ARHGAP42: variants seen among roughly 807,000 people sequenced by gnomAD.
The protein encoded by ARHGAP42 is rho GTPase-activating protein 42.
ARHGAP42 carries 63 observed loss-of-function variants against 125.0 expected under a neutral mutation model. The ratio of observed to expected loss-of-function variants is 0.50; its 90% CI spans 0.41 to 0.62. ARHGAP42 has a LOEUF of 0.62. Ranked by LOEUF, ARHGAP42 falls within the 20% of genes least tolerant of loss-of-function variation. ARHGAP42 has a pLI of 0.00. For synonymous variants in ARHGAP42, 339 were observed against 351.0 expected, an observed-to-expected ratio of 0.97 and a Z score of 0.38; for missense variants, 766 against 1,024.2, an observed-to-expected ratio of 0.75 and a Z score of 3.44.
In ARHGAP42 at chr11:100,992,210, A is replaced by G. The variant is rs1474454859; in HGVS notation, c.*3409A>G. 8.1e-6 allele frequency: 11 copies of G among 1,364,274 alleles called. No individual in the cohort carries two copies. Among genetic ancestry groups the G allele is most frequent in the African/African-American group, 2.9e-5 (2 of 68,430 alleles). The allele number at this position is 1,364,274 out of a possible 1,614,324, so 84.5% of individuals were successfully genotyped here. A position where few individuals can be genotyped will look rare whatever the true frequency, so the allele number is the denominator to read the frequency against. ...GCCTTCTTTAGCATTTAGAACCCCA[A>G]CTAGACTTATACTTTGACTAAAGTC... On this transcript the variant is annotated 3_prime_UTR_variant, in exon 24 of 24. Transcript: ENST00000298815.
intron 4 of ARHGAP42, among the ~76,000 whole-genome samples, chr11:100,892,719 C>T (rs77154608): frequency 7.0e-4 from 106 of 152,236 alleles, no homozygotes; most frequent in Admixed American, 1.4e-3. Context: ...CTATTGAGTG[C>T]TGCCTGCCCT....
chr11:100,711,347 T>C (rs1236280756), intron 1 of ARHGAP42, among the ~76,000 whole-genome samples: 1 of 152,156 alleles, frequency 6.6e-6, no homozygotes, highest in South Asian at 2.1e-4. Flanking sequence ...GTTTATATTG[T>C]CCAATGAGAA....
chr11:100,903,706 C>CAA (rs749877720), intron 4 of ARHGAP42, among the ~76,000 whole-genome samples: 564 of 32,314 alleles, frequency 0.017, 18 homozygotes, highest in African/African-American at 0.049. Flanking sequence ...ACATGTCCCT[C>CAA]AAAATATATA....
rs1247058792 is a variant in ARHGAP42, at chr11:100,903,754, A to G, written c.385-9698A>G. Reference sequence around the variant, plus strand: ...TATATATATATATATATATATATATATGTATGTAAAGGAAAGTTTATTAAG... The same window carrying G: ...TATATATATATATATATATATATATGTGTATGTAAAGGAAAGTTTATTAAG... On this transcript the variant is annotated intron_variant, in intron 4 of 23. Coordinates refer to ENST00000298815, the MANE Select transcript of ARHGAP42 (RefSeq NM_152432.4). Among the ~76,000 whole-genome samples the G allele has an allele frequency of 5.6e-5, 7 of 124,620 alleles. 1 individual carries two copies. Among genetic ancestry groups the G allele is most frequent in the African/African-American group, 1.5e-4 (5 of 33,648 alleles). The allele number at this position is 124,620 out of a possible 152,430, so 81.8% of individuals were successfully genotyped here.
chr11:100,770,187 T>C (rs1332826881), intron 1 of ARHGAP42, among the ~76,000 whole-genome samples, 156 bp from the exon 2 acceptor site: 1 of 152,144 alleles, frequency 6.6e-6, no homozygotes, highest in Non-Finnish European at 1.5e-5. Context: ...GTCAAACTGG[T>C]ATTTTAAAGG....
At chr11:100,728,366 C>G (rs1861897369) in intron 1 of ARHGAP42, among the ~76,000 whole-genome samples, 1 of 152,050 alleles carries the variant, frequency 6.6e-6, no homozygotes, top group Admixed American at 6.5e-5. Context: ...CCAGTTCTTT[C>G]CAGTTTAGCC....
intron 22 of ARHGAP42, among the ~76,000 whole-genome samples, chr11:100,985,310 G>A (rs1858646802): frequency 6.6e-6 from 1 of 152,100 alleles, no homozygotes; most frequent in Admixed American, 6.6e-5. Context: ...AAAGAAATAT[G>A]ACTTATTGTT....
chr11:100,909,001 T>C (rs629442), intron 4 of ARHGAP42, among the ~76,000 whole-genome samples: 135,023 of 152,122 alleles, frequency 0.89, 60,002 homozygotes, highest in East Asian at 1. Context: ...AGCATTTTTT[T>C]GTATGTTTGT....
intron 4 of ARHGAP42, among the ~76,000 whole-genome samples, chr11:100,904,037 A>G (rs1420925983): frequency 6.6e-6 from 1 of 151,868 alleles, no homozygotes; most frequent in African/African-American, 2.4e-5. Context: ...TCCCCAGCCC[A>G]CTGACTCAAA....
At chr11:100,738,297 A>AT (rs778667877) in intron 1 of ARHGAP42, 15 of 152,164 alleles carry the variant, frequency 9.9e-5, no homozygotes, top group Non-Finnish European at 2.1e-4. Flanking sequence ...GGAGAAAGTC[A>AT]TTTTTTAAAT....
At chr11:100,730,293 C>T (rs1861934720) in intron 1 of ARHGAP42, among the ~76,000 whole-genome samples, 1 of 151,980 alleles carries the variant, frequency 6.6e-6, no homozygotes, top group Admixed American at 6.6e-5. Flanking sequence ...TATCTTTCTA[C>T]TCTCTGCTAA....
At chr11:100,793,794 C>T (rs543979411) in intron 2 of ARHGAP42, among the ~76,000 whole-genome samples, 65 of 152,036 alleles carry the variant, frequency 4.3e-4, no homozygotes, top group African/African-American at 2.4e-4. Flanking sequence ...CTGTATGGCC[C>T]GGTGCAATGG....
At chr11:100,965,240 G>A (rs1472937496) in intron 16 of ARHGAP42, among the ~76,000 whole-genome samples, 1 of 152,144 alleles carries the variant, frequency 6.6e-6, no homozygotes, top group African/African-American at 2.4e-5. Context: ...TTCAAGATGA[G>A]ATTTGGGTGG....
chr11:100,987,652 A>T, intron 23 of ARHGAP42, 60 bp downstream of exon 23: 2 of 1,444,546 alleles, frequency 1.4e-6, no homozygotes, highest in Non-Finnish European at 1.9e-6. Flanking sequence ...AAGGAATAGT[A>T]TGGTGGTATG....
intron 22 of ARHGAP42, among the ~76,000 whole-genome samples, chr11:100,979,891 A>G (rs1459289163): frequency 6.6e-6 from 1 of 152,206 alleles, no homozygotes; most frequent in African/African-American, 2.4e-5. Flanking sequence ...ATACTGTTGT[A>G]TAGTTGTTGT....
intron 1 of ARHGAP42, among the ~76,000 whole-genome samples, chr11:100,734,820 T>A (rs1862031842): frequency 6.6e-6 from 1 of 152,222 alleles, no homozygotes; most frequent in South Asian, 2.1e-4. Context: ...GTCAGTTTTT[T>A]AATCTTTTCA....
chr11:100,779,465 A>T (rs2407751), intron 2 of ARHGAP42, among the ~76,000 whole-genome samples: 42,309 of 89,200 alleles, frequency 0.47, 11,107 homozygotes, highest in South Asian at 0.56. Context: ...AAAAAAAAAA[A>T]AAATATATAT....
chr11:100,859,568 C>T lies in ARHGAP42; in HGVS notation c.327C>T (p.Asn109=), dbSNP rs770256541. Residue 109 remains asparagine (N), a synonymous_variant, in exon 4 of 24, where the codon AAC becomes AAT. Transcript: ENST00000298815. ...TTTTATTTCAGATCCAAAACGCTAA[C>T]GATGTATTAATTGCACCACTTGAGA... ...EERRRLIQNA[N]DVLIAPLEKF... The T allele has an allele frequency of 4.3e-5, 65 of 1,519,004 alleles. No homozygotes were observed. The highest frequency in any genetic ancestry group is 1.6e-4 in the Admixed American group (7 of 44,978). 94.1% of individuals were successfully genotyped at this position (1,519,004 alleles called of 1,614,324 possible).
intron 1 of ARHGAP42, among the ~76,000 whole-genome samples, chr11:100,764,462 C>G (rs988191080): frequency 6.6e-6 from 1 of 152,176 alleles, no homozygotes; most frequent in African/African-American, 2.4e-5. Flanking sequence ...CTTAACTTTT[C>G]AGAGCACTGG....
Sources: allele counts gnomAD v4.1 joint callset (sites outside exome capture counted in the v4.1 genomes callset), GRCh38; gene constraint gnomAD v4.1.1; transcripts MANE v1.5; gene names NCBI Gene and HGNC (gene_info 2026-07-23, HGNC 2026-07-21).